SDK1: variants seen among roughly 807,000 people sequenced by gnomAD.
SDK1 encodes sidekick cell adhesion molecule 1.
A neutral mutation model predicts 245.5 loss-of-function variants in SDK1; 157 were observed. The observed-to-expected ratio is 0.64, with a 90% CI of 0.56 to 0.73. The LOEUF is 0.73. Among genes scored for constraint, SDK1 ranks in the 30% least tolerant of loss-of-function variants. The pLI is 0.00. For synonymous variants in SDK1, 1,647 were observed against 1,278.5 expected (o/e 1.29, Z -6.15); for missense variants, 3,583 against 3,002.3 (o/e 1.19, Z -4.52).
intron 17 of SDK1, among the ~76,000 whole-genome samples, chr7:4,033,126 G>C (rs559783453): frequency 9.9e-5 from 15 of 152,194 alleles, no homozygotes; most frequent in Admixed American, 7.9e-4. Context: ...AAGATGTCCG[G>C]AACAGAACAG....
At chr7:3,715,964 G>C (rs1277102085) in intron 4 of SDK1, among the ~76,000 whole-genome samples, 1 of 152,142 alleles carries the variant, frequency 6.6e-6, no homozygotes, top group Non-Finnish European at 1.5e-5. Flanking sequence ...TTTAAAAAGT[G>C]AAAGTGAGTG....
At chr7:3,664,371 A>C (rs1299159051) in intron 4 of SDK1, among the ~76,000 whole-genome samples, 1 of 152,150 alleles carries the variant, frequency 6.6e-6, no homozygotes, top group Non-Finnish European at 1.5e-5. Context: ...AAGAAACTCG[A>C]ATCTGTGTAC....
chr7:3,868,204 G>T (rs1050695332), intron 5 of SDK1, among the ~76,000 whole-genome samples: 1 of 152,120 alleles, frequency 6.6e-6, no homozygotes, highest in Admixed American at 6.5e-5. Context: ...CCCACTAGAA[G>T]TGTTATTATT....
At chr7:3,419,554 G>A (rs986041030) in intron 1 of SDK1, among the ~76,000 whole-genome samples, 8 of 152,274 alleles carry the variant, frequency 5.3e-5, no homozygotes, top group Middle Eastern at 3.4e-3. Flanking sequence ...ACCATGATCT[G>A]TTCTGTAGGA....
chr7:3,322,802 C>T (rs1779849858), intron 1 of SDK1, among the ~76,000 whole-genome samples: 1 of 152,044 alleles, frequency 6.6e-6, no homozygotes, highest in South Asian at 2.1e-4. Flanking sequence ...GTGTTGTCCC[C>T]ACCTGCCCTT....
chr7:3,776,556 C>T (rs1299667462), intron 4 of SDK1, among the ~76,000 whole-genome samples: 3 of 152,140 alleles, frequency 2.0e-5, no homozygotes, highest in Admixed American at 6.5e-5. Context: ...TGTTGTGAGG[C>T]GTAAATGAAG....
intron 4 of SDK1, among the ~76,000 whole-genome samples, chr7:3,664,546 C>T (rs1048297615): frequency 1.5e-4 from 23 of 152,160 alleles, no homozygotes; most frequent in African/African-American, 5.3e-4. Context: ...CGAGATCAGC[C>T]TGGCCAACAT....
Position 4,268,762 on chromosome 7 carries a change from T to G in SDK1, c.*3378T>G. 7.3e-7 allele frequency: 1 copy of G among 1,367,126 alleles called. No individual in the cohort carries two copies. The highest frequency in any genetic ancestry group is 1.1e-5 in the South Asian group (1 of 88,022). 84.7% of individuals were successfully genotyped at this position (1,367,126 alleles called of 1,614,324 possible). On this transcript the variant is annotated 3_prime_UTR_variant, in exon 45 of 45. Coordinates refer to ENST00000404826, the MANE Select transcript of SDK1 (RefSeq NM_152744.4). ...CAGCGTCCTGGTAGCATGGATCCAGTCTGAAAGGTGAGGACAACGTGGAAA... is the reference window on the plus strand; with the variant it reads ...CAGCGTCCTGGTAGCATGGATCCAGGCTGAAAGGTGAGGACAACGTGGAAA...
intron 5 of SDK1, among the ~76,000 whole-genome samples, chr7:3,915,926 G>A (rs540003829): frequency 1.9e-4 from 29 of 152,208 alleles, no homozygotes; most frequent in East Asian, 3.9e-4. Flanking sequence ...TTTATTAAGC[G>A]GAAGGAGATG....
At chr7:3,608,263 C>G (rs1366469141) in intron 1 of SDK1, among the ~76,000 whole-genome samples, 1 of 152,170 alleles carries the variant, frequency 6.6e-6, no homozygotes, top group East Asian at 1.9e-4. Flanking sequence ...CATATAAACT[C>G]TTCTGCTGTA....
chr7:4,162,369 G>GTTATTATTATTA (rs533484732), intron 32 of SDK1, among the ~76,000 whole-genome samples: 26 of 128,380 alleles, frequency 2.0e-4, no homozygotes, highest in South Asian at 8.1e-4. Context: ...TGTTGTTGTT[G>GTTATTATTATTA]TTATTATTAT....
At position 3,705,679 on chromosome 7, in the gene SDK1, A is replaced by G. The variant is rs116393173; in HGVS notation, c.713+63574A>G. The stretch of plus-strand genomic sequence containing the variant: ...GAGGAGTCTTTAGGGTTTTCTAGTT[A>G]TGTGACCATGGCATTGGCAGACAGC... On this transcript the variant is annotated intron_variant, in intron 4 of 44. Coordinates refer to ENST00000404826, the MANE Select transcript of SDK1 (RefSeq NM_152744.4). Among the ~76,000 whole-genome samples, 1,283 of 152,054 alleles carry G rather than the reference A, an allele frequency of 8.4e-3. 20 individuals carry two copies. Among genetic ancestry groups the G allele is most frequent in the African/African-American group, 0.029 (1,217 of 41,486 alleles).
At chr7:3,869,153 C>CT (rs751723918) in intron 5 of SDK1, among the ~76,000 whole-genome samples, 6,302 of 117,120 alleles carry the variant, frequency 0.054, 574 homozygotes, top group African/African-American at 0.17. Flanking sequence ...TTTTTCATTT[C>CT]TTTTTTTTTT....
intron 1 of SDK1, among the ~76,000 whole-genome samples, chr7:3,509,440 C>T (rs1449113948): frequency 6.6e-6 from 1 of 152,080 alleles, no homozygotes; most frequent in Non-Finnish European, 1.5e-5. Flanking sequence ...TAATACACAC[C>T]TTCTTAGAGG....
chr7:4,190,673 A>G (rs920047133), intron 35 of SDK1, among the ~76,000 whole-genome samples: 12 of 152,224 alleles, frequency 7.9e-5, no homozygotes, highest in African/African-American at 2.9e-4. Flanking sequence ...CTGCTGACTG[A>G]CTGGGAGCTT....
intron 1 of SDK1, among the ~76,000 whole-genome samples, chr7:3,516,986 A>AGT (rs763472114): frequency 1.3e-5 from 2 of 152,046 alleles, no homozygotes; most frequent in African/African-American, 2.4e-5. Flanking sequence ...TGAGGTGATG[A>AGT]GTGTGTGTGC....
At chr7:3,759,653 G>T (rs1435464978) in intron 4 of SDK1, among the ~76,000 whole-genome samples, 2 of 151,468 alleles carry the variant, frequency 1.3e-5, no homozygotes, top group Non-Finnish European at 2.9e-5. Flanking sequence ...AGGCTGGAGT[G>T]CAGCCTTAGC....
At chr7:4,225,118 G>C (rs1005777468) in intron 40 of SDK1, among the ~76,000 whole-genome samples, 3 of 151,816 alleles carry the variant, frequency 2.0e-5, no homozygotes, top group Non-Finnish European at 4.4e-5. Flanking sequence ...CAGCAGATGG[G>C]TGGCTGTCAC....
At chr7:3,818,007 G>C (rs912370204) in intron 4 of SDK1, among the ~76,000 whole-genome samples, 1 of 152,192 alleles carries the variant, frequency 6.6e-6, no homozygotes, top group Admixed American at 6.5e-5. Flanking sequence ...GGACCGGTTA[G>C]CTTGTTCTTT....
Sources: gnomAD v4.1 joint callset for allele counts (sites outside exome capture counted in the v4.1 genomes callset) on GRCh38, gnomAD v4.1.1 for gene constraint, MANE v1.5 for transcripts, NCBI Gene and HGNC (gene_info 2026-07-23, HGNC 2026-07-21) for gene names.